GOLGA6D: variants seen among roughly 807,000 people sequenced by gnomAD.
The protein encoded by GOLGA6D is golgin subfamily A member 6D.
GOLGA6D carries 9 observed loss-of-function variants against 42.1 expected under a neutral mutation model. The ratio of observed to expected loss-of-function variants is 0.21; its 90% CI spans 0.13 to 0.37. The LOEUF is 0.37. GOLGA6D is among the 10% of genes least tolerant of loss of function. GOLGA6D has a pLI of 1.00. For synonymous variants in GOLGA6D, 39 were observed against 167.3 expected (o/e 0.23, Z 5.92); for missense variants, 87 against 420.8 (o/e 0.21, Z 6.94).
In GOLGA6D at chr15:75,294,348, T is replaced by C. The variant is rs201430576; in HGVS notation, c.1955T>C (p.Val652Ala). 2.6e-5 allele frequency: 41 copies of C among 1,586,098 alleles called. 2 individuals carry two copies. Among genetic ancestry groups the C allele is most frequent in the Non-Finnish European group, 3.5e-5 (41 of 1,176,964 alleles). ...QELGAAGEQD[V>A]FYEVSLDNNV... ...GACCCCCGCCTCCCTCTCTCCGAAG[T>C]TTTTTATGAAGTGAGCCTGGACAAC... The change falls in exon 18 of 18, where the codon GTT becomes GCT. Residue 652 changes from valine to alanine, a missense_variant and splice_region_variant. Val to Ala is a moderately conservative substitution (Grantham distance 64). Transcript: ENST00000434739.
Position 75,289,692 on chromosome 15 carries a change from C to T in GOLGA6D, c.752C>T (p.Ser251Leu), listed in dbSNP as rs2070873715. ...ARWQERMWKM[S>L]VEARTLKEEK... ...TGGCAGGAGAGGATGTGGAAAATGTCGGTGGAGGTGAGGTCTGACCCTTCA... is the reference window on the plus strand; with the variant it reads ...TGGCAGGAGAGGATGTGGAAAATGTTGGTGGAGGTGAGGTCTGACCCTTCA... Residue 251 changes from serine to leucine, a missense_variant, in exon 9 of 18, where the codon TCG (serine) becomes TTG (leucine). Coordinates refer to ENST00000434739, the MANE Select transcript of GOLGA6D (RefSeq NM_001145224.3). The T allele has an allele frequency of 1.1e-5, 5 of 460,162 alleles. 2 individuals carry two copies. Among genetic ancestry groups the T allele is most frequent in the Non-Finnish European group, 1.8e-5 (5 of 272,804 alleles). The allele number at this position is 460,162 out of a possible 1,614,324, so 28.5% of individuals were successfully genotyped here.
rs2070866545 is a variant in GOLGA6D at position 75,288,840 on chromosome 15, G to C, written c.564+476G>C. 1.4e-5 allele frequency among the ~76,000 whole-genome samples: 2 copies of C among 142,524 alleles called. 1 individual carries two copies. Among genetic ancestry groups the C allele is most frequent in the Non-Finnish European group, 3.0e-5 (2 of 66,300 alleles). 93.5% of individuals were successfully genotyped at this position (142,524 alleles called of 152,430 possible). ...GGGTGCCTGGAGACACCTCCCTTCT[G>C]TACCTTCTGAGTTTTGGACTGTATG... is the stretch of plus-strand genomic sequence containing the variant. On this transcript the variant is annotated intron_variant, in intron 7 of 17. Transcript: ENST00000434739.
At chr15:75,276,189 A>G in the GOLGA6D span, among the ~76,000 whole-genome samples, 1 of 151,640 alleles carries the variant, frequency 6.6e-6, no homozygotes, top group African/African-American at 2.4e-5. Flanking sequence ...CTTAGGGAAG[A>G]CTCAAGTGTC....
At chr15:75,276,340 T>A in the GOLGA6D span, among the ~76,000 whole-genome samples, 1 of 151,154 alleles carries the variant, frequency 6.6e-6, no homozygotes, top group African/African-American at 2.4e-5. Flanking sequence ...GGACCCTCTG[T>A]CCTCATGTGG....
At chr15:75,278,133 C>G (rs1372674038), upstream of GOLGA6D, among the ~76,000 whole-genome samples, 1 of 95,198 alleles carries the variant, frequency 1.1e-5, no homozygotes, top group Admixed American at 1.3e-4. Flanking sequence ...ACCACATATA[C>G]CCCCCACCAC....
intron 2 of GOLGA6D, among the ~76,000 whole-genome samples, chr15:75,286,087 T>A (rs1595819335): frequency 9.5e-6 from 1 of 105,092 alleles, no homozygotes; most frequent in African/African-American, 3.9e-5. Context: ...GGATTTGGGC[T>A]CTTTTTTTTT....
chr15:75,293,527 G>A (rs1567173023), intron 14 of GOLGA6D, among the ~76,000 whole-genome samples: 1 of 144,792 alleles, frequency 6.9e-6, no homozygotes, highest in Non-Finnish European at 1.5e-5. Context: ...TCATCTGGTG[G>A]CCTTGGCCTG....
upstream of GOLGA6D, among the ~76,000 whole-genome samples, chr15:75,278,834 T>G (rs2070837307): frequency 6.6e-6 from 1 of 151,652 alleles, no homozygotes; most frequent in Non-Finnish European, 1.5e-5. Context: ...CTCATACTTA[T>G]TAGATGGATG....
At chr15:75,276,160 C>T in the GOLGA6D span, among the ~76,000 whole-genome samples, 3,758 of 146,850 alleles carry the variant, frequency 0.026, 43 homozygotes, top group African/African-American at 0.094. Flanking sequence ...TGCCCCCTCA[C>T]CCCCATGGGG....
Position 75,294,344 on chromosome 15 carries a change from G to C in GOLGA6D, c.1955-4G>C. On this transcript the variant is annotated splice_region_variant and splice_polypyrimidine_tract_variant and intron_variant, in intron 17 of 17. Transcript: ENST00000434739. Reference sequence around the variant, plus strand: ...CTCAGACCCCCGCCTCCCTCTCTCCGAAGTTTTTTATGAAGTGAGCCTGGA... The same window carrying C: ...CTCAGACCCCCGCCTCCCTCTCTCCCAAGTTTTTTATGAAGTGAGCCTGGA... The C allele has an allele frequency of 6.3e-7, 1 of 1,593,772 alleles. No individual in the cohort carries two copies. The highest frequency in any genetic ancestry group is 2.2e-4 in the Middle Eastern group (1 of 4,576).
chr15:75,294,530 G>A lies in GOLGA6D; in HGVS notation c.*55G>A, dbSNP rs200826318. On this transcript the variant is annotated 3_prime_UTR_variant, in exon 18 of 18. Coordinates refer to ENST00000434739, the MANE Select transcript of GOLGA6D (RefSeq NM_001145224.3). ...CGTGCCATTCTTCTACCAGGCAGCC[G>A]AGAACAGGGAGATAAACATCATCAT... 500 of 1,418,094 alleles carry A rather than the reference G, an allele frequency of 3.5e-4. 5 individuals carry two copies. The highest frequency in any genetic ancestry group is 4.5e-4 in the Non-Finnish European group (477 of 1,051,292). 87.8% of individuals were successfully genotyped at this position (1,418,094 alleles called of 1,614,324 possible). A position where few individuals can be genotyped will look rare whatever the true frequency, so the allele number is the denominator to read the frequency against.
the GOLGA6D span, among the ~76,000 whole-genome samples, chr15:75,276,378 C>T: frequency 1.3e-5 from 2 of 150,840 alleles, no homozygotes; most frequent in Admixed American, 6.7e-5. Context: ...CACCTCCAGA[C>T]AGGCCATGCT....
At chr15:75,288,709 G>A (rs1465089021) in intron 7 of GOLGA6D, among the ~76,000 whole-genome samples, 3 of 106,868 alleles carry the variant, frequency 2.8e-5, no homozygotes, top group African/African-American at 6.8e-5. Context: ...TTTCTGTAGA[G>A]AGAGGAAAGG....
rs2070896309 is a variant in GOLGA6D, at chr15:75,294,556, C to T, written c.*81C>T. 3 of 1,202,114 alleles carry T rather than the reference C, an allele frequency of 2.5e-6. No homozygotes were observed. The highest frequency in any genetic ancestry group is 4.8e-5 in the Admixed American group (2 of 41,298). 74.5% of individuals were successfully genotyped at this position (1,202,114 alleles called of 1,614,324 possible). On this transcript the variant is annotated 3_prime_UTR_variant, in exon 18 of 18. Transcript: ENST00000434739. The stretch of plus-strand genomic sequence containing the variant: ...AGAACAGGGAGATAAACATCATCAT[C>T]TTCTAAGAGCTGGTCAAGAAATTTA...
upstream of GOLGA6D, among the ~76,000 whole-genome samples, chr15:75,279,248 TGA>T (rs2070839390): frequency 1.1e-5 from 1 of 91,582 alleles, no homozygotes; most frequent in Non-Finnish European, 2.2e-5. Context: ...AAAGGCAAGT[TGA>T]TAGAGACAGA....
chr15:75,293,488 G>A (rs1257245016), intron 14 of GOLGA6D, among the ~76,000 whole-genome samples: 3 of 144,988 alleles, frequency 2.1e-5, no homozygotes, highest in Non-Finnish European at 4.5e-5. Flanking sequence ...GCAGCGGAAG[G>A]TGTGAAGGCT....
intron 7 of GOLGA6D, 138 bp downstream of exon 7, chr15:75,288,502 T>G: frequency 1.1e-6 from 1 of 891,918 alleles, no homozygotes; most frequent in East Asian, 3.0e-5. Context: ...TGTGTATGGT[T>G]GTTAGAGGCA....
chr15:75,281,125 T>G (rs1184496214), upstream of GOLGA6D, among the ~76,000 whole-genome samples: 41 of 123,706 alleles, frequency 3.3e-4, no homozygotes, highest in Admixed American at 1.7e-3. Context: ...ACTTGAGAGG[T>G]AAGAGGGTGT....
At chr15:75,277,957 CA>C (rs1478250512), upstream of GOLGA6D, among the ~76,000 whole-genome samples, 1 of 121,306 alleles carries the variant, frequency 8.2e-6, no homozygotes, top group Non-Finnish European at 1.6e-5. Flanking sequence ...AAACCAACGT[CA>C]GGATTATTAA....
Sources: gnomAD v4.1 joint callset for allele counts (sites outside exome capture counted in the v4.1 genomes callset) on GRCh38, gnomAD v4.1.1 for gene constraint, MANE v1.5 for transcripts, NCBI Gene and HGNC (gene_info 2026-07-23, HGNC 2026-07-21) for gene names.